Variants in HECTD2 observed in about 807,000 individuals in gnomAD.
HECTD2 encodes the protein probable E3 ubiquitin-protein ligase HECTD2.
HECTD2 carries 35 observed loss-of-function variants against 103.2 expected under a neutral mutation model. The ratio of observed to expected loss-of-function variants is 0.34; its 90% CI spans 0.26 to 0.45. HECTD2 has a LOEUF of 0.45. Ranked by LOEUF, HECTD2 falls within the 20% of genes least tolerant of loss-of-function variation. The pLI, the probability that HECTD2 is intolerant of heterozygous loss-of-function variation, is 1.00. For missense variants in HECTD2, 596 were observed against 937.4 expected, an observed-to-expected ratio of 0.64 and a Z score of 4.76; for synonymous variants, 281 against 329.9, an observed-to-expected ratio of 0.85 and a Z score of 1.61.
chr10:91,417,796 T>A (rs1843192525), intron 1 of HECTD2, among the ~76,000 whole-genome samples: 2 of 152,168 alleles, frequency 1.3e-5, no homozygotes, highest in South Asian at 4.1e-4. Context: ...TCCAAGTCTT[T>A]GCTATTGTGA....
At chr10:91,459,907 A>G (rs1309735463) in intron 2 of HECTD2, among the ~76,000 whole-genome samples, 1 of 152,154 alleles carries the variant, frequency 6.6e-6, no homozygotes, top group Non-Finnish European at 1.5e-5. Context: ...GCTATATGAT[A>G]TAGCCTAGGT....
At chr10:91,428,042 T>C (rs1456097679) in intron 2 of HECTD2, among the ~76,000 whole-genome samples, 1 of 151,770 alleles carries the variant, frequency 6.6e-6, no homozygotes, top group Non-Finnish European at 1.5e-5. Flanking sequence ...CCATCTCCAA[T>C]TAATTTTTGT....
intron 2 of HECTD2, among the ~76,000 whole-genome samples, chr10:91,458,933 G>C (rs1221129577): frequency 6.6e-6 from 1 of 151,976 alleles, no homozygotes; most frequent in Non-Finnish European, 1.5e-5. Context: ...TGCAGAGGAT[G>C]AAAAGACAGG....
chr10:91,425,177 CTCG>C, intron 1 of HECTD2, 101 bp from the exon 2 acceptor site: 4 of 947,176 alleles, frequency 4.2e-6, no homozygotes, highest in Non-Finnish European at 5.8e-6. Context: ...CTATTATCTA[CTCG>C]TCATCAAATT....
intron 2 of HECTD2, among the ~76,000 whole-genome samples, chr10:91,452,153 A>G (rs1844861423): frequency 6.6e-6 from 1 of 152,104 alleles, no homozygotes; most frequent in South Asian, 2.1e-4. Flanking sequence ...TACTATAACA[A>G]AAGGTGTTAC....
intron 2 of HECTD2, among the ~76,000 whole-genome samples, chr10:91,454,836 T>C (rs1050958061): frequency 3.3e-5 from 5 of 152,172 alleles, no homozygotes; most frequent in African/African-American, 9.6e-5. Flanking sequence ...TTTTTGTCCT[T>C]GCGATAGTTT....
chr10:91,462,065 A>G (rs755895829), intron 4 of HECTD2, 30 bp from the exon 5 acceptor site: 8 of 1,465,868 alleles, frequency 5.5e-6, no homozygotes, highest in Middle Eastern at 1.7e-4. Context: ...AAAATGTTGA[A>G]TATACTTAAT....
At chr10:91,491,094 G>C (rs980889609) in intron 11 of HECTD2, 106 bp from the exon 12 acceptor site, 11 of 541,756 alleles carry the variant, frequency 2.0e-5, no homozygotes, top group Non-Finnish European at 3.3e-5. Flanking sequence ...GTTTATATAA[G>C]AAATGGCATA....
intron 20 of HECTD2, among the ~76,000 whole-genome samples, chr10:91,506,541 C>T (rs1847186332): frequency 6.6e-6 from 1 of 152,090 alleles, no homozygotes; most frequent in South Asian, 2.1e-4. Flanking sequence ...GGATAAATTC[C>T]TTGATACATA....
intron 9 of HECTD2, 37 bp downstream of exon 9, chr10:91,484,692 T>G (rs1347404464): frequency 1.3e-6 from 2 of 1,498,316 alleles, no homozygotes; most frequent in Non-Finnish European, 1.8e-6. Flanking sequence ...TTACTTTTCT[T>G]TTGTTACATT....
chr10:91,496,877 A>G (rs899222473), intron 15 of HECTD2, among the ~76,000 whole-genome samples: 1 of 151,818 alleles, frequency 6.6e-6, no homozygotes, highest in Non-Finnish European at 1.5e-5. Flanking sequence ...AATTAAATTG[A>G]AAATTTTGAA....
rs1269686535 is a variant in HECTD2 at position 91,513,086 on chromosome 10, T to A, written c.*702T>A. On this transcript the variant is annotated 3_prime_UTR_variant, in exon 21 of 21. Transcript: ENST00000298068. ...TGTACAAGAGTATTTTCAGACTAAT[T>A]GGATTCAAGGTTATATTCTTTTAAG... The A allele has an allele frequency of 1.3e-5, 2 of 152,654 alleles. No homozygotes were observed. Among genetic ancestry groups the A allele is most frequent in the East Asian group, 3.8e-4 (2 of 5,198 alleles). The allele number at this position is 152,654 out of a possible 1,614,324, so 9.5% of individuals were successfully genotyped here. A position where few individuals can be genotyped will look rare whatever the true frequency, so the allele number is the denominator to read the frequency against.
At chr10:91,498,682 A>G (rs927315947) in intron 16 of HECTD2, among the ~76,000 whole-genome samples, 190 bp from the exon 17 acceptor site, 3 of 152,174 alleles carry the variant, frequency 2.0e-5, no homozygotes, top group Non-Finnish European at 4.4e-5. Flanking sequence ...TTAAGGCACT[A>G]TTTTTTAACT....
intron 1 of HECTD2, among the ~76,000 whole-genome samples, chr10:91,420,569 C>G (rs1843314546): frequency 6.9e-6 from 1 of 143,908 alleles, no homozygotes; most frequent in Non-Finnish European, 1.5e-5. Flanking sequence ...GCCTGGGCGA[C>G]AGAGCAAGAC....
At chr10:91,430,359 A>T (rs564098119) in intron 2 of HECTD2, among the ~76,000 whole-genome samples, 2 of 152,238 alleles carry the variant, frequency 1.3e-5, no homozygotes, top group Non-Finnish European at 2.9e-5. Flanking sequence ...TATTCTGTTG[A>T]TTTGGGGTGG....
chr10:91,412,578 G>A (rs1283959638), intron 1 of HECTD2, among the ~76,000 whole-genome samples: 1 of 150,106 alleles, frequency 6.7e-6, no homozygotes, highest in East Asian at 1.9e-4. Context: ...CCTCAGCCTT[G>A]CTTGTGCCTT....
chr10:91,421,633 G>T (rs1200677484), intron 1 of HECTD2, among the ~76,000 whole-genome samples: 2 of 152,188 alleles, frequency 1.3e-5, no homozygotes, highest in Non-Finnish European at 2.9e-5. Flanking sequence ...TAGGTTTTCT[G>T]TTGATATATT....
At chr10:91,452,003 G>GT (rs1844855050) in intron 2 of HECTD2, among the ~76,000 whole-genome samples, 1 of 152,056 alleles carries the variant, frequency 6.6e-6, no homozygotes, top group South Asian at 2.1e-4. Flanking sequence ...AACAATCAAA[G>GT]TAAAAAGCTT....
intron 20 of HECTD2, among the ~76,000 whole-genome samples, chr10:91,504,813 G>A (rs1306684514): frequency 1.3e-5 from 2 of 151,788 alleles, no homozygotes; most frequent in Non-Finnish European, 2.9e-5. Context: ...GCAACTCCAA[G>A]ACACATAATT....
Sources: gnomAD v4.1 joint callset for allele counts (sites outside exome capture counted in the v4.1 genomes callset) on GRCh38, gnomAD v4.1.1 for gene constraint, MANE v1.5 for transcripts, NCBI Gene and HGNC (gene_info 2026-07-23, HGNC 2026-07-21) for gene names.